Variants in ABCD4 observed in about 807,000 individuals in gnomAD.
ABCD4 encodes the protein lysosomal cobalamin transporter ABCD4.
ABCD4 carries 53 observed loss-of-function variants against 86.3 expected under a neutral mutation model. The observed-to-expected ratio is 0.61, with a 90% CI of 0.49 to 0.77. The LOEUF is 0.77. Ranked by LOEUF, ABCD4 falls within the 30% of genes least tolerant of loss-of-function variation. The pLI is 0.00. For missense variants in ABCD4, 757 were observed against 764.5 expected (o/e 0.99, Z 0.12); for synonymous variants, 328 against 313.6 (o/e 1.05, Z -0.49).
In ABCD4 at chr14:74,288,759, G is replaced by A; in HGVS notation, c.1463C>T (p.Ala488Val). 2.5e-6 allele frequency: 4 copies of A among 1,613,422 alleles called. No individual in the cohort carries two copies. Among genetic ancestry groups the A allele is most frequent in the Non-Finnish European group, 3.4e-6 (4 of 1,179,786 alleles). The change falls in exon 15 of 19, where the codon GCC becomes GTC. Residue 488 changes from alanine (A) to valine (V), a missense_variant. Ala to Val is a moderately conservative substitution (Grantham distance 64). Transcript: ENST00000356924. ...GAACCTCAAGATCCTCTCATCATCG[G>A]CAGAACCTGCACAACAAAGAAGCCT... is the stretch of plus-strand genomic sequence containing the variant. ...LKEVYPDSGSADDERILRFLE... is the reference protein window; with the variant it reads ...LKEVYPDSGSVDDERILRFLE...
chr14:74,292,921 G>A, intron 8 of ABCD4, 52 bp from the exon 9 acceptor site: 1 of 1,612,068 alleles, frequency 6.2e-7, no homozygotes, highest in Non-Finnish European at 8.5e-7. Context: ...ATGCCCTACA[G>A]CGGACACAAC....
intron 1 of ABCD4, among the ~76,000 whole-genome samples, chr14:74,301,974 T>C (rs959463537): frequency 2.0e-5 from 3 of 148,202 alleles, no homozygotes; most frequent in African/African-American, 7.5e-5. Flanking sequence ...CTGATAAACA[T>C]TACAAAACCA....
chr14:74,295,825 C>A, intron 6 of ABCD4, 29 bp downstream of exon 6: 1 of 1,612,814 alleles, frequency 6.2e-7, no homozygotes, highest in Non-Finnish European at 8.5e-7. Flanking sequence ...TATGCCCCAG[C>A]CCAGAAACCT....
chr14:74,299,451 G>T, intron 3 of ABCD4, 97 bp downstream of exon 3: 3 of 1,486,326 alleles, frequency 2.0e-6, no homozygotes, highest in Non-Finnish European at 2.8e-6. Flanking sequence ...CACCCCCACA[G>T]CTTGCTTCCT....
chr14:74,289,036 C>T lies in ABCD4; in HGVS notation c.1457-271G>A, dbSNP rs905048987. 4.6e-5 allele frequency: 44 copies of T among 958,966 alleles called. 1 individual carries two copies. The African/African-American group carries it at 4.8e-4, about 10-fold the overall frequency. 59.4% of individuals were successfully genotyped at this position (958,966 alleles called of 1,614,324 possible). A position where few individuals can be genotyped will look rare whatever the true frequency, so the allele number is the denominator to read the frequency against. On this transcript the variant is annotated intron_variant, in intron 14 of 18. Transcript: ENST00000356924. ...CTGAGGCAGGGGAATTGCTTGAACC[C>T]GGGAGGTGGAGGTTGCAGTGAGCCG...
In ABCD4 at chr14:74,285,738, T is replaced by C. The variant is rs1304424467; in HGVS notation, c.*723A>G. The C allele has an allele frequency of 1.3e-5, 2 of 152,182 alleles. No homozygotes were observed. The highest frequency in any genetic ancestry group is 2.1e-4 in the South Asian group (1 of 4,822). 9.4% of individuals were successfully genotyped at this position (152,182 alleles called of 1,614,324 possible). On this transcript the variant is annotated 3_prime_UTR_variant, in exon 19 of 19. Transcript: ENST00000356924. ...TTTTTTTAGAAAACCCAACCTTATT[T>C]TGGCTAAGGGGAAAGGGATTTACTT...
Position 74,288,246 on chromosome 14 carries a change from G to T in ABCD4, c.1520C>A (p.Ala507Glu), listed in dbSNP as rs140293127. The change falls in exon 16 of 19, where the codon GCA (alanine) becomes GAA (glutamate). Residue 507 changes from alanine to glutamate, a missense_variant. Transcript: ENST00000356924. Reference sequence around the variant, plus strand: ...CTGCTGGTCCAGGCCCTCTGTCCTTGCCACCAAGTTGGACTGTAACAGACC... The same window carrying T: ...CTGCTGGTCCAGGCCCTCTGTCCTTTCCACCAAGTTGGACTGTAACAGACC... ...LELAGLSNLV[A>E]RTEGLDQQVD... is the part of the protein sequence containing the mutation. 3.2e-5 allele frequency: 51 copies of T among 1,610,018 alleles called. No homozygotes were observed. Among genetic ancestry groups the T allele is most frequent in the African/African-American group, 2.4e-4 (18 of 74,984 alleles).
chr14:74,289,955 C>A, intron 13 of ABCD4, 72 bp downstream of exon 13: 1 of 1,606,436 alleles, frequency 6.2e-7, no homozygotes, highest in South Asian at 1.1e-5. Context: ...AGACTTGTCA[C>A]AGTGCCAGAG....
intron 1 of ABCD4, among the ~76,000 whole-genome samples, chr14:74,302,525 A>T (rs867251765): frequency 6.6e-6 from 1 of 152,222 alleles, no homozygotes; most frequent in South Asian, 2.1e-4. Context: ...AAAATAAACA[A>T]GGAGCCTTGC....
At chr14:74,287,566 A>AAAAAAG (rs1555392703) in intron 17 of ABCD4, among the ~76,000 whole-genome samples, 28 of 148,290 alleles carry the variant, frequency 1.9e-4, no homozygotes, top group African/African-American at 7.1e-4. Flanking sequence ...AAAAAAAAAA[A>AAAAAAG]AAAAGAAAAG....
At chr14:74,296,194 C>CTGAGCACGTGGGATGGG in intron 5 of ABCD4, 139 bp downstream of exon 5, 4 of 1,116,178 alleles carry the variant, frequency 3.6e-6, no homozygotes, top group South Asian at 2.8e-5. Flanking sequence ...GGGCAGGGGC[C>CTGAGCACGTGGGATGGG]TGAGCACGTG....
At chr14:74,291,273 C>A (rs1467029161) in intron 11 of ABCD4, among the ~76,000 whole-genome samples, 1 of 152,208 alleles carries the variant, frequency 6.6e-6, no homozygotes, top group South Asian at 2.1e-4. Context: ...CACATTAATA[C>A]AGGGGTAGGG....
chr14:74,301,300 C>A (rs552848878), intron 1 of ABCD4, among the ~76,000 whole-genome samples: 12 of 151,654 alleles, frequency 7.9e-5, no homozygotes, highest in African/African-American at 2.7e-4. Flanking sequence ...GCTGGGAGTA[C>A]GGGCGTGCGT....
intron 1 of ABCD4, among the ~76,000 whole-genome samples, chr14:74,301,907 A>C (rs555103908): frequency 4.6e-5 from 7 of 151,850 alleles, no homozygotes; most frequent in African/African-American, 1.5e-4. Context: ...CTCAAAAGAA[A>C]GAAAGAAAGA....
chr14:74,288,455 A>T, intron 15 of ABCD4, 196 bp from the exon 16 acceptor site: 1 of 653,548 alleles, frequency 1.5e-6, no homozygotes, highest in Non-Finnish European at 2.6e-6. Flanking sequence ...GACACTGTTT[A>T]GACTTGCTGG....
chr14:74,292,316 G>A lies in ABCD4; in HGVS notation c.1089C>T (p.Ile363=). The A allele has an allele frequency of 6.2e-7, 1 of 1,614,076 alleles. No individual in the cohort carries two copies. The highest frequency in any genetic ancestry group is 8.5e-7 in the Non-Finnish European group (1 of 1,180,038). ...CCAAGCCCCACTCGCTCTCGCCCAG[G>A]ATCTCGCAGTCCTGTGACTTCAGGG... The part of the protein sequence containing the change: ...DMSLKSQDCE[I]LGESEWGLDT... Residue 363 remains isoleucine, a synonymous_variant, in exon 11 of 19, where the codon ATC becomes ATT. Transcript: ENST00000356924.
intron 18 of ABCD4, 26 bp from the exon 19 acceptor site, chr14:74,286,555 G>T: frequency 6.2e-7 from 1 of 1,614,204 alleles, no homozygotes; most frequent in South Asian, 1.1e-5. Context: ...ACCACATGGA[G>T]ATCAGGCTGC....
At chr14:74,295,725 AAAG>A in intron 6 of ABCD4, 126 bp downstream of exon 6, 11 of 1,259,762 alleles carry the variant, frequency 8.7e-6, no homozygotes, top group South Asian at 1.3e-5. Flanking sequence ...TGGAGAGGTT[AAAG>A]ACCTCTCCAA....
At chr14:74,293,037 G>A (rs930292332) in intron 8 of ABCD4, 117 bp downstream of exon 8, 32 of 1,444,094 alleles carry the variant, frequency 2.2e-5, no homozygotes, top group African/African-American at 2.1e-4. Context: ...CCTCATCCCC[G>A]GTTAATTCCT....
Sources: gnomAD v4.1 joint callset for allele counts (sites outside exome capture counted in the v4.1 genomes callset) on GRCh38, gnomAD v4.1.1 for gene constraint, MANE v1.5 for transcripts, NCBI Gene and HGNC (gene_info 2026-07-23, HGNC 2026-07-21) for gene names.